Variants in SLC9A9 observed in about 807,000 individuals in gnomAD.
The protein encoded by SLC9A9 is solute carrier family 9 member A9.
Under a neutral mutation model 77.8 loss-of-function variants are expected in SLC9A9, and 62 were observed. The ratio of observed to expected loss-of-function variants is 0.80; its 90% CI spans 0.65 to 0.98. SLC9A9 has a LOEUF of 0.98. Ranked by LOEUF, SLC9A9 falls within the 50% of genes least tolerant of loss-of-function variation. The pLI, the probability that SLC9A9 is intolerant of heterozygous loss-of-function variation, is 0.00. For synonymous variants in SLC9A9, 320 were observed against 283.5 expected (o/e 1.13, Z -1.29); for missense variants, 775 against 774.9 (o/e 1.00, Z 0.00).
chr3:143,413,901 T>A lies in SLC9A9; in HGVS notation c.1470-31787A>T, dbSNP rs923497661. 2.1e-4 allele frequency among the ~76,000 whole-genome samples: 32 copies of A among 152,336 alleles called. 1 individual carries two copies. Among genetic ancestry groups the A allele is most frequent in the Admixed American group, 8.5e-4 (13 of 15,306 alleles). On this transcript the variant is annotated intron_variant, in intron 12 of 15. Coordinates refer to ENST00000316549, the MANE Select transcript of SLC9A9 (RefSeq NM_173653.4). Reference sequence around the variant, plus strand: ...CTTACGTGGGTGAAAATATACTGGCTTTTTCTGGTGAGGGGCCTGTGCCCC... The same window carrying A: ...CTTACGTGGGTGAAAATATACTGGCATTTTCTGGTGAGGGGCCTGTGCCCC...
chr3:143,624,890 T>C (rs1385150722), intron 6 of SLC9A9, among the ~76,000 whole-genome samples: 1 of 152,200 alleles, frequency 6.6e-6, no homozygotes, highest in Non-Finnish European at 1.5e-5. Flanking sequence ...AAAATCTCCT[T>C]AAGCTGATAA....
chr3:143,807,260 T>C (rs948364450), intron 2 of SLC9A9, among the ~76,000 whole-genome samples: 10 of 151,774 alleles, frequency 6.6e-5, no homozygotes, highest in African/African-American at 2.4e-4. Context: ...CCTGGCCAAA[T>C]TGGTGAAACA....
intron 5 of SLC9A9, among the ~76,000 whole-genome samples, chr3:143,680,710 C>CA (rs1933060860): frequency 1.3e-5 from 2 of 152,152 alleles, no homozygotes; most frequent in Non-Finnish European, 1.5e-5. Context: ...GTAACATCAA[C>CA]AAAAATGGCA....
At chr3:143,343,285 G>A (rs10804691) in intron 14 of SLC9A9, 39,689 of 151,906 alleles carry the variant, frequency 0.26, 5,437 homozygotes, top group Admixed American at 0.33. Context: ...GACAGGAAAT[G>A]TTTTGATTTT....
chr3:143,282,363 C>A (rs1027036727), intron 14 of SLC9A9, among the ~76,000 whole-genome samples: 1 of 152,206 alleles, frequency 6.6e-6, no homozygotes, highest in Non-Finnish European at 1.5e-5. Context: ...ACTTTACAGA[C>A]TTTTATCTTT....
At position 143,594,354 on chromosome 3, in the gene SLC9A9, G is replaced by A. The variant is rs568254973; in HGVS notation, c.756-15631C>T. ...CTACATTGCAATGTTAATAGCTGCCGTTTATTGAGGGCCTCTTGCAAGCCA... is the reference window on the plus strand; with the variant it reads ...CTACATTGCAATGTTAATAGCTGCCATTTATTGAGGGCCTCTTGCAAGCCA... On this transcript the variant is annotated intron_variant, in intron 6 of 15. Transcript: ENST00000316549. Among the ~76,000 whole-genome samples, 27 of 152,254 alleles carry A rather than the reference G, an allele frequency of 1.8e-4. No individual in the cohort carries two copies. In the South Asian group the frequency reaches 2.7e-3, roughly 15 times the overall value.
chr3:143,369,400 A>G (rs1342265279), intron 13 of SLC9A9, among the ~76,000 whole-genome samples: 1 of 152,164 alleles, frequency 6.6e-6, no homozygotes, highest in Non-Finnish European at 1.5e-5. Context: ...TTACAGCTAG[A>G]TAGGAAGAAT....
At chr3:143,421,168 T>C (rs2034290669) in intron 12 of SLC9A9, among the ~76,000 whole-genome samples, 1 of 152,130 alleles carries the variant, frequency 6.6e-6, no homozygotes, top group Admixed American at 6.6e-5. Context: ...TTCATGCTAA[T>C]GGATTGGAAG....
chr3:143,408,863 C>A (rs1026422759), intron 12 of SLC9A9, among the ~76,000 whole-genome samples: 2 of 152,082 alleles, frequency 1.3e-5, no homozygotes, highest in African/African-American at 4.8e-5. Flanking sequence ...GGCCATTTTG[C>A]CATCATTTTA....
At chr3:143,650,000 C>G (rs2038770797) in intron 6 of SLC9A9, among the ~76,000 whole-genome samples, 1 of 152,078 alleles carries the variant, frequency 6.6e-6, no homozygotes, top group Non-Finnish European at 1.5e-5. Flanking sequence ...AAATCCAATG[C>G]TGTGCAGGGG....
chr3:143,399,725 C>T (rs1048472812), intron 12 of SLC9A9, among the ~76,000 whole-genome samples: 1 of 152,140 alleles, frequency 6.6e-6, no homozygotes, highest in Non-Finnish European at 1.5e-5. Flanking sequence ...TTTGGCCTAT[C>T]ATTCTAGGAG....
chr3:143,817,809 G>GATAGCTGTTTAATATTTA (rs11272542), intron 2 of SLC9A9, among the ~76,000 whole-genome samples: 2 of 151,962 alleles, frequency 1.3e-5, no homozygotes, highest in African/African-American at 4.8e-5. Context: ...TCTGTTATCT[G>GATAGCTGTTTAATATTTA]ATAGCCTATT....
Position 143,808,656 on chromosome 3 carries a change from T to G in SLC9A9, c.379-11753A>C, listed in dbSNP as rs373790169. Among the ~76,000 whole-genome samples the G allele has an allele frequency of 2.0e-5, 3 of 152,200 alleles. No individual in the cohort carries two copies. The East Asian group carries it at 5.8e-4, about 29-fold the overall frequency. On this transcript the variant is annotated intron_variant, in intron 2 of 15. Transcript: ENST00000316549. ...CTGTTATATAAACTATTTGGAGTAG[T>G]GTTTAAGGGCATGGACACTCAGAGC...
chr3:143,755,550 G>A (rs532685436), intron 4 of SLC9A9, among the ~76,000 whole-genome samples: 1 of 152,270 alleles, frequency 6.6e-6, no homozygotes, highest in Admixed American at 6.5e-5. Context: ...CGTATTAGAA[G>A]CAAGAGGGAA....
chr3:143,610,377 G>A (rs2038005233), intron 6 of SLC9A9, among the ~76,000 whole-genome samples: 1 of 152,184 alleles, frequency 6.6e-6, no homozygotes, highest in Non-Finnish European at 1.5e-5. Flanking sequence ...GAACTCCTGG[G>A]CTCAAGCAAT....
At chr3:143,834,329 G>A (rs1164244199) in intron 1 of SLC9A9, among the ~76,000 whole-genome samples, 1 of 152,060 alleles carries the variant, frequency 6.6e-6, no homozygotes, top group Non-Finnish European at 1.5e-5. Flanking sequence ...GAGCAAGAAG[G>A]GAACATAGAT....
intron 2 of SLC9A9, among the ~76,000 whole-genome samples, chr3:143,806,738 G>T (rs1023785663): frequency 1.0e-5 from 1 of 98,142 alleles, no homozygotes; most frequent in Non-Finnish European, 2.3e-5. Flanking sequence ...ATGTGGTGGT[G>T]GGGGGGGCAA....
intron 14 of SLC9A9, among the ~76,000 whole-genome samples, chr3:143,282,968 G>T (rs944742914): frequency 3.9e-5 from 6 of 152,122 alleles, no homozygotes; most frequent in African/African-American, 1.4e-4. Flanking sequence ...CTTCACTGGG[G>T]TTTCCACAGA....
intron 9 of SLC9A9, among the ~76,000 whole-genome samples, chr3:143,535,115 A>G (rs1480283605): frequency 6.6e-6 from 1 of 152,232 alleles, no homozygotes; most frequent in Admixed American, 6.5e-5. Flanking sequence ...CCTAATTCCT[A>G]TATGTTACCA....
Sources: allele counts gnomAD v4.1 joint callset (sites outside exome capture counted in the v4.1 genomes callset), GRCh38; gene constraint gnomAD v4.1.1; transcripts MANE v1.5; gene names NCBI Gene and HGNC (gene_info 2026-07-23, HGNC 2026-07-21).